Variants in SLC22A8 observed in about 807,000 individuals in gnomAD.
The protein encoded by SLC22A8 is solute carrier family 22 member 8.
A neutral mutation model predicts 48.4 loss-of-function variants in SLC22A8; 40 were observed. The observed-to-expected ratio is 0.83, with a 90% CI of 0.64 to 1.08. The LOEUF is 1.08. SLC22A8 is among the 50% of genes least tolerant of loss of function. The pLI is 0.00. For synonymous variants in SLC22A8, 268 were observed against 286.3 expected (o/e 0.94, Z 0.65); for missense variants, 606 against 699.0 (o/e 0.87, Z 1.50).
At chr11:62,995,318 C>T (rs4149184) in intron 7 of SLC22A8, 19 of 264,654 alleles carry the variant, frequency 7.2e-5, no homozygotes, top group East Asian at 4.0e-4. Context: ...TTTTTGTCTT[C>T]GAGTCTGAAA....
At chr11:62,993,723 C>T (rs540650374) in intron 9 of SLC22A8, 47 bp downstream of exon 9, 1 of 1,587,182 alleles carries the variant, frequency 6.3e-7, no homozygotes, top group East Asian at 2.2e-5. Flanking sequence ...ACAGTCCCAC[C>T]TGACCTGTGT....
At chr11:62,994,318 A>T in intron 8 of SLC22A8, 1 of 584,638 alleles carries the variant, frequency 1.7e-6, no homozygotes, top group Non-Finnish European at 3.0e-6. Context: ...CACTATCCAG[A>T]TACCACCATA....
rs948889866 is a variant in SLC22A8 at position 62,993,340 on chromosome 11, G to A, written c.1530-4C>T. ...TGGCTTCTTTGCCCGCAGGGACCTA[G>A]GGACAGAGAGCTAAGGAAAAGCCCT... is the stretch of plus-strand genomic sequence containing the variant. On this transcript the variant is annotated splice_region_variant and splice_polypyrimidine_tract_variant and intron_variant, in intron 10 of 10. Coordinates refer to ENST00000336232, the MANE Select transcript of SLC22A8 (RefSeq NM_004254.4). 6 of 1,613,860 alleles carry A rather than the reference G, an allele frequency of 3.7e-6. 1 individual carries two copies. The highest frequency in any genetic ancestry group is 3.3e-5 in the South Asian group (3 of 91,082).
In SLC22A8 at chr11:62,994,641, T is replaced by G. The variant is rs1590687523; in HGVS notation, c.1117A>C (p.Thr373Pro). 1.2e-6 allele frequency: 2 copies of G among 1,614,076 alleles called. No homozygotes were observed. The highest frequency in any genetic ancestry group is 1.7e-6 in the Non-Finnish European group (2 of 1,179,986). Residue 373 changes from threonine to proline, a missense_variant, in exon 8 of 11, where the codon ACC becomes CCC. Transcript: ENST00000336232. ...CCCAGGTAGCTTAAGGAGAGGATGG[T>G]GATGAACTTGGCTGGGACATCGACC... Reference protein sequence around the residue: ...GGVDVPAKFITILSLSYLGRH... With the variant: ...GGVDVPAKFIPILSLSYLGRH...
At position 62,993,616 on chromosome 11, in the gene SLC22A8, A is replaced by T. The variant is rs928776879; in HGVS notation, c.1337T>A (p.Met446Lys). Residue 446 changes from methionine to lysine, a missense_variant, in exon 10 of 11, where the codon ATG (methionine) becomes AAG (lysine). By Grantham distance (95) the Met-to-Lys change is moderately conservative (BLOSUM62 -1). Coordinates refer to ENST00000336232, the MANE Select transcript of SLC22A8 (RefSeq NM_004254.4). ...GCGGGTCCACAGGTTACTTACGCCCATACCTGTTTGCCTGCGAGGGTTCAG... is the reference window on the plus strand; with the variant it reads ...GCGGGTCCACAGGTTACTTACGCCCTTACCTGTTTGCCTGCGAGGGTTCAG... ...LYPTVIRQTG[M>K]GVSNLWTRVG... The T allele has an allele frequency of 6.2e-7, 1 of 1,607,908 alleles. No homozygotes were observed. Among genetic ancestry groups the T allele is most frequent in the Non-Finnish European group, 8.5e-7 (1 of 1,175,242 alleles).
chr11:62,996,155 G>C lies in SLC22A8; in HGVS notation c.762-3C>G. 6.3e-7 allele frequency: 1 copy of C among 1,591,472 alleles called. No homozygotes were observed. The highest frequency in any genetic ancestry group is 8.6e-7 in the Non-Finnish European group (1 of 1,167,138). ...AGCGTATGGACTCTGGTGTCCACCT[G>C]GGGGCCAGAGACCAGTCACAGTGGC... is the stretch of plus-strand genomic sequence containing the variant. On this transcript the variant is annotated splice_polypyrimidine_tract_variant and splice_region_variant and intron_variant, in intron 5 of 10. Transcript: ENST00000336232.
intron 4 of SLC22A8, 125 bp from the exon 5 acceptor site, chr11:62,999,214 G>A (rs1212005934): frequency 5.0e-6 from 4 of 794,888 alleles, no homozygotes; most frequent in Middle Eastern, 3.1e-4. Context: ...TGTTGATATC[G>A]CCCTCCGTTG....
At position 63,000,807 on chromosome 11, in the gene SLC22A8, T is replaced by C. The variant is rs777806244; in HGVS notation, c.350A>G (p.Asn117Ser). The C allele has an allele frequency of 6.2e-7, 1 of 1,613,622 alleles. No homozygotes were observed. The highest frequency in any genetic ancestry group is 1.1e-5 in the South Asian group (1 of 91,062). The change falls in exon 3 of 11, where the codon AAC (asparagine) becomes AGC (serine). Residue 117 changes from asparagine to serine, a missense_variant. Asn to Ser is a conservative substitution (Grantham distance 46). Coordinates refer to ENST00000336232, the MANE Select transcript of SLC22A8 (RefSeq NM_004254.4). ...SIVTEWDLVCNSNKLKEMAQS... is the reference protein window; with the variant it reads ...SIVTEWDLVCSSNKLKEMAQS... ...GGCCATCTCCTTCAGTTTGTTGGAG[T>C]TGCACACCAAGTCCCACTGCACAAG...
At chr11:62,993,373 G>A in intron 10 of SLC22A8, 37 bp from the exon 11 acceptor site, 1 of 1,612,674 alleles carries the variant, frequency 6.2e-7, no homozygotes, top group East Asian at 2.2e-5. Context: ...CCTGGGCCCA[G>A]ACCTGCTTCC....
chr11:62,995,548 G>A (rs2086405804), intron 7 of SLC22A8, 156 bp downstream of exon 7: 2 of 619,268 alleles, frequency 3.2e-6, no homozygotes, highest in East Asian at 5.5e-5. Context: ...GAATGCAGCA[G>A]ATTTCTGGGG....
chr11:63,001,084 C>A (rs897046804), intron 2 of SLC22A8: 2 of 440,642 alleles, frequency 4.5e-6, no homozygotes, highest in Non-Finnish European at 4.2e-6. Flanking sequence ...ACATCCAGGT[C>A]TGGCCTCAAC....
At chr11:63,007,438 G>A (rs2086568742) in intron 2 of SLC22A8, among the ~76,000 whole-genome samples, 1 of 152,090 alleles carries the variant, frequency 6.6e-6, no homozygotes, top group Non-Finnish European at 1.5e-5. Flanking sequence ...CGATTCTCCT[G>A]TCTCAGCCTC....
Position 63,012,334 on chromosome 11 carries a change from G to A in SLC22A8, c.333+2292C>T, listed in dbSNP as rs185770432. Among the ~76,000 whole-genome samples, 4 of 151,784 alleles carry A rather than the reference G, an allele frequency of 2.6e-5. No homozygotes were observed. In the East Asian group the frequency reaches 7.8e-4, roughly 29 times the overall value. On this transcript the variant is annotated intron_variant, in intron 2 of 10. Coordinates refer to ENST00000336232, the MANE Select transcript of SLC22A8 (RefSeq NM_004254.4). ...CCTTTGCATTTGACCCTCCTTCCCC[G>A]CCACTCTTCCTTTTGCCTGGGGTTC...
At position 62,996,016 on chromosome 11, in the gene SLC22A8, C is replaced by A. The variant is rs766335022; in HGVS notation, c.885+13G>T. 3.1e-6 allele frequency: 5 copies of A among 1,614,098 alleles called. No homozygotes were observed. In the Admixed American group the frequency reaches 8.3e-5, roughly 27 times the overall value. ...AGGGGTTCTGCTCCCAGACTATAGT[C>A]CTCAGCCCCTACCTCCAAGCTGAGC... is the stretch of plus-strand genomic sequence containing the variant. On this transcript the variant is annotated intron_variant, in intron 6 of 10. Coordinates refer to ENST00000336232, the MANE Select transcript of SLC22A8 (RefSeq NM_004254.4).
intron 5 of SLC22A8, among the ~76,000 whole-genome samples, chr11:62,998,324 G>T (rs2086447975): frequency 1.3e-5 from 2 of 152,092 alleles, no homozygotes; most frequent in African/African-American, 4.8e-5. Flanking sequence ...TTGGTAATGA[G>T]CTCTCTGCCC....
intron 3 of SLC22A8, among the ~76,000 whole-genome samples, chr11:63,000,446 C>T (rs148533368): frequency 0.01 from 1,534 of 147,580 alleles, 29 homozygotes; most frequent in African/African-American, 0.036. Context: ...ATTGTGCCAT[C>T]GCACTCCAGC....
At chr11:63,006,413 T>C (rs1296665386) in intron 2 of SLC22A8, among the ~76,000 whole-genome samples, 1 of 152,068 alleles carries the variant, frequency 6.6e-6, no homozygotes, top group African/African-American at 2.4e-5. Context: ...CAATAAGTGT[T>C]TGTCAGTTCG....
Position 62,993,633 on chromosome 11 carries a change from AG to A in SLC22A8, c.1326-7del, listed in dbSNP as rs2086371994. The A allele has an allele frequency of 1.2e-6, 2 of 1,605,156 alleles. No homozygotes were observed. Among genetic ancestry groups the A allele is most frequent in the African/African-American group, 1.3e-5 (1 of 74,768 alleles). On this transcript the variant is annotated splice_polypyrimidine_tract_variant and splice_region_variant and intron_variant, in intron 9 of 10. Transcript: ENST00000336232. ...TTACGCCCATACCTGTTTGCCTGCG[AG>A]GGTTCAGAGTAGGGATTGGTAGCCT...
At position 63,005,516 on chromosome 11, in the gene SLC22A8, A is replaced by G. The variant is rs552970010; in HGVS notation, c.334-4693T>C. Among the ~76,000 whole-genome samples the G allele has an allele frequency of 1.6e-4, 24 of 152,316 alleles. No individual in the cohort carries two copies. In the South Asian group the frequency reaches 4.8e-3, roughly 30 times the overall value. ...ACATTGAAGTTTTAACTCTTCGTGG[A>G]TCAGAATACGACCTCATTTGGAAAT... On this transcript the variant is annotated intron_variant, in intron 2 of 10. Transcript: ENST00000336232.
Sources: gnomAD v4.1 joint callset for allele counts (sites outside exome capture counted in the v4.1 genomes callset) on GRCh38, gnomAD v4.1.1 for gene constraint, MANE v1.5 for transcripts, NCBI Gene and HGNC (gene_info 2026-07-23, HGNC 2026-07-21) for gene names.